INIP: variants seen among roughly 807,000 people sequenced by gnomAD.
INIP encodes the protein SOSS complex subunit C.
A neutral mutation model predicts 14.0 loss-of-function variants in INIP; 9 were observed. The ratio of observed to expected loss-of-function variants is 0.64; its 90% CI spans 0.39 to 1.12. The LOEUF is 1.12. INIP is among the 50% of genes most tolerant of loss of function. The pLI, the probability that INIP is intolerant of heterozygous loss-of-function variation, is 0.01. For missense variants in INIP, 78 were observed against 122.7 expected, an observed-to-expected ratio of 0.64 and a Z score of 1.72; for synonymous variants, 37 against 41.5, an observed-to-expected ratio of 0.89 and a Z score of 0.41.
chr9:112,697,477 G>A (rs1053977872), intron 2 of INIP, among the ~76,000 whole-genome samples: 6 of 152,272 alleles, frequency 3.9e-5, no homozygotes, highest in Admixed American at 3.9e-4. Flanking sequence ...TAGCTACTTG[G>A]GAGGCTGAGG....
chr9:112,688,085 C>CAAATAAATAAATAAAT (rs3033103), intron 4 of INIP, among the ~76,000 whole-genome samples: 93 of 145,738 alleles, frequency 6.4e-4, no homozygotes, highest in African/African-American at 1.6e-3. Flanking sequence ...GACTCCATCT[C>CAAATAAATAAATAAAT]AAATAAATAA....
Position 112,715,969 on chromosome 9 carries a change from C to G in INIP, c.25+492G>C, listed in dbSNP as rs568060860. Among the ~76,000 whole-genome samples, 3 of 152,302 alleles carry G rather than the reference C, an allele frequency of 2.0e-5. No homozygotes were observed. The South Asian group carries it at 6.2e-4, about 32-fold the overall frequency. On this transcript the variant is annotated intron_variant, in intron 2 of 4. Coordinates refer to ENST00000374242, the MANE Select transcript of INIP (RefSeq NM_021218.3). The stretch of plus-strand genomic sequence containing the variant: ...TGAAATTTTTCAGCTCCATTACCAT[C>G]TTATGGGACCACCATCCTATAAGCA...
At chr9:112,703,756 A>G (rs1838372805) in intron 2 of INIP, among the ~76,000 whole-genome samples, 1 of 152,194 alleles carries the variant, frequency 6.6e-6, no homozygotes, top group Non-Finnish European at 1.5e-5. Context: ...AGAATTTTTA[A>G]AAAACGTCCA....
At chr9:112,706,780 A>G (rs547820695) in intron 2 of INIP, among the ~76,000 whole-genome samples, 1 of 152,252 alleles carries the variant, frequency 6.6e-6, no homozygotes, top group Admixed American at 6.5e-5. Context: ...AATTTTTAAA[A>G]ATAGTATAGA....
chr9:112,689,473 T>A, intron 4 of INIP, 54 bp downstream of exon 4: 1 of 1,360,106 alleles, frequency 7.4e-7, no homozygotes, highest in Non-Finnish European at 1.1e-6. Context: ...ATGTGCCGGC[T>A]TCTGAGATCC....
chr9:112,694,020 A>G (rs896173397), intron 3 of INIP, 111 bp downstream of exon 3: 2 of 603,248 alleles, frequency 3.3e-6, no homozygotes, highest in Non-Finnish European at 5.6e-6. Flanking sequence ...GGCTGCAGTG[A>G]GCCGAGATTG....
intron 3 of INIP, among the ~76,000 whole-genome samples, chr9:112,692,640 G>A (rs1837930680): frequency 6.6e-6 from 1 of 151,302 alleles, no homozygotes; most frequent in African/African-American, 2.4e-5. Flanking sequence ...CTATAATAAA[G>A]ATCATCAAGC....
chr9:112,703,761 C>T (rs1049986694), intron 2 of INIP, among the ~76,000 whole-genome samples: 1 of 152,098 alleles, frequency 6.6e-6, no homozygotes, highest in African/African-American at 2.4e-5. Context: ...TTTTAAAAAA[C>T]GTCCAAGGGT....
chr9:112,702,976 T>C (rs1028652804), intron 2 of INIP, among the ~76,000 whole-genome samples: 10 of 152,238 alleles, frequency 6.6e-5, no homozygotes, highest in Admixed American at 1.3e-4. Flanking sequence ...ATGAATTTTT[T>C]TTTTTAGTGG....
intron 2 of INIP, among the ~76,000 whole-genome samples, chr9:112,706,461 C>T (rs1457223141): frequency 6.6e-6 from 1 of 151,900 alleles, no homozygotes; most frequent in Non-Finnish European, 1.5e-5. Flanking sequence ...ACTATGTTGC[C>T]CAGGCTCATC....
chr9:112,702,557 AT>A (rs1351418869), intron 2 of INIP, among the ~76,000 whole-genome samples: 5 of 151,934 alleles, frequency 3.3e-5, no homozygotes, highest in African/African-American at 4.8e-5. Flanking sequence ...TAATGTAAGA[AT>A]TTTTTTATTA....
At chr9:112,706,351 C>T (rs748628279) in intron 2 of INIP, among the ~76,000 whole-genome samples, 15 of 152,152 alleles carry the variant, frequency 9.9e-5, no homozygotes, top group Non-Finnish European at 1.6e-4. Context: ...TGGGCTCAAG[C>T]GATCCTCCTG....
intron 4 of INIP, among the ~76,000 whole-genome samples, chr9:112,689,285 T>A (rs1481926885): frequency 6.6e-6 from 1 of 152,152 alleles, no homozygotes; most frequent in Non-Finnish European, 1.5e-5. Flanking sequence ...GCACAAGCAA[T>A]CCCTTGGCAT....
At position 112,687,534 on chromosome 9, in the gene INIP, T is replaced by C; in HGVS notation, c.*4A>G. 6.3e-7 allele frequency: 1 copy of C among 1,580,046 alleles called. No individual in the cohort carries two copies. The highest frequency in any genetic ancestry group is 8.7e-7 in the Non-Finnish European group (1 of 1,150,304). On this transcript the variant is annotated 3_prime_UTR_variant, in exon 5 of 5. Coordinates refer to ENST00000374242, the MANE Select transcript of INIP (RefSeq NM_021218.3). ...AAGTCACTTTTCCATCGCAAATGTTTTCTTCATTCTGGGTCAAGGCGAGGT... is the reference window on the plus strand; with the variant it reads ...AAGTCACTTTTCCATCGCAAATGTTCTCTTCATTCTGGGTCAAGGCGAGGT...
intron 2 of INIP, among the ~76,000 whole-genome samples, chr9:112,706,847 C>T (rs971296559): frequency 6.6e-6 from 1 of 152,046 alleles, no homozygotes; most frequent in African/African-American, 2.4e-5. Flanking sequence ...GTGATCCTTC[C>T]ACCTCAGCCT....
intron 2 of INIP, among the ~76,000 whole-genome samples, chr9:112,707,278 T>TTA (rs1327280421): frequency 6.6e-6 from 1 of 150,804 alleles, no homozygotes; most frequent in Non-Finnish European, 1.5e-5. Flanking sequence ...CCATGTTTAA[T>TTA]ATCCCTTTAT....
chr9:112,688,419 A>T (rs1414128326), intron 4 of INIP, among the ~76,000 whole-genome samples: 1 of 152,074 alleles, frequency 6.6e-6, no homozygotes, highest in African/African-American at 2.4e-5. Context: ...TGGTGATTAA[A>T]ATACCAACAT....
intron 2 of INIP, among the ~76,000 whole-genome samples, chr9:112,706,612 G>A (rs898107478): frequency 6.6e-6 from 1 of 151,986 alleles, no homozygotes; most frequent in Non-Finnish European, 1.5e-5. Flanking sequence ...TCTAACTAGG[G>A]CATCAATATA....
intron 2 of INIP, among the ~76,000 whole-genome samples, chr9:112,710,241 A>G (rs1161747891): frequency 6.6e-6 from 1 of 152,204 alleles, no homozygotes; most frequent in African/African-American, 2.4e-5. Context: ...CACAGCTGAG[A>G]GCACCTGGAC....
Sources: gnomAD v4.1 joint callset for allele counts (sites outside exome capture counted in the v4.1 genomes callset) on GRCh38, gnomAD v4.1.1 for gene constraint, MANE v1.5 for transcripts, NCBI Gene and HGNC (gene_info 2026-07-23, HGNC 2026-07-21) for gene names.